PADI4: variants seen among roughly 807,000 people sequenced by gnomAD.
PADI4 encodes protein-arginine deiminase type-4.
In PADI4, 62 loss-of-function variants were observed where a neutral mutation model predicts 75.0. The observed-to-expected ratio is 0.83, with a 90% confidence interval of 0.67 to 1.02. PADI4 has a LOEUF of 1.02. Ranked by LOEUF, PADI4 falls within the 50% of genes least tolerant of loss-of-function variation. PADI4 has a pLI of 0.00. For synonymous variants in PADI4, 361 were observed against 348.1 expected (o/e 1.04, Z -0.41); for missense variants, 845 against 850.5 (o/e 0.99, Z 0.08).
chr1:17,333,127 G>A (rs768498188), intron 2 of PADI4, among the ~76,000 whole-genome samples: 52 of 152,194 alleles, frequency 3.4e-4, no homozygotes, highest in Admixed American at 1.3e-3. Flanking sequence ...TACTTTAGAA[G>A]GATCCCAATG....
At chr1:17,312,352 C>T (rs2073851390) in intron 1 of PADI4, among the ~76,000 whole-genome samples, 1 of 150,530 alleles carries the variant, frequency 6.6e-6, no homozygotes, top group African/African-American at 2.4e-5. Context: ...CCCAGCTACT[C>T]AGGAAGCTGA....
rs373090991 is a variant in PADI4, at chr1:17,349,324, G to T, written c.1155+1276G>T. ...GACAGACGGACACCTCGGCACCATT[G>T]TTGTCCCCTTTCCCACAGACAACTT... On this transcript the variant is annotated intron_variant, in intron 10 of 15. Coordinates refer to ENST00000375448, the MANE Select transcript of PADI4 (RefSeq NM_012387.3). Among the ~76,000 whole-genome samples the T allele has an allele frequency of 3.9e-5, 6 of 152,196 alleles. No homozygotes were observed. The East Asian group carries it at 1.2e-3, about 29-fold the overall frequency.
rs550577419 is a variant in PADI4, at chr1:17,333,848, C to T, written c.274-95C>T. The T allele has an allele frequency of 1.4e-4, 126 of 906,908 alleles. No individual in the cohort carries two copies. In the African/African-American group the frequency reaches 1.6e-3, roughly 11 times the overall value. The allele number at this position is 906,908 out of a possible 1,614,324, so 56.2% of individuals were successfully genotyped here. On this transcript the variant is annotated intron_variant, in intron 2 of 15. Coordinates refer to ENST00000375448, the MANE Select transcript of PADI4 (RefSeq NM_012387.3). ...ACCAGTTCTTGCCCAACTTTGTCTC[C>T]CCAGTGCCCTACCCTGAGCCGGCAC...
intron 1 of PADI4, among the ~76,000 whole-genome samples, chr1:17,310,689 G>A (rs1008701701): frequency 6.6e-6 from 1 of 152,112 alleles, no homozygotes; most frequent in Non-Finnish European, 1.5e-5. Flanking sequence ...AGCTGGGCAC[G>A]GTGGCTTATG....
In PADI4 at chr1:17,359,276, C is replaced by G; in HGVS notation, c.1630-4C>G. 3 of 1,612,370 alleles carry G rather than the reference C, an allele frequency of 1.9e-6. No individual in the cohort carries two copies. The highest frequency in any genetic ancestry group is 1.7e-6 in the Non-Finnish European group (2 of 1,179,422). ...CCACTCACTGCCCCTGCCCCTTCCC[C>G]AAGAGATGCATCGACTGGAACCGCG... On this transcript the variant is annotated splice_region_variant and splice_polypyrimidine_tract_variant and intron_variant, in intron 14 of 15. Coordinates refer to ENST00000375448, the MANE Select transcript of PADI4 (RefSeq NM_012387.3).
chr1:17,352,951 G>A (rs1361438947), intron 10 of PADI4, among the ~76,000 whole-genome samples: 4 of 152,204 alleles, frequency 2.6e-5, no homozygotes, highest in Non-Finnish European at 5.9e-5. Context: ...GGATCCCCCG[G>A]TGTCCTGAAA....
chr1:17,311,746 C>T (rs928683255), intron 1 of PADI4, among the ~76,000 whole-genome samples: 65 of 152,128 alleles, frequency 4.3e-4, no homozygotes, highest in African/African-American at 1.5e-3. Flanking sequence ...AGGATGGTCT[C>T]GATCTCCTGA....
At chr1:17,352,215 G>C (rs971772063) in intron 10 of PADI4, among the ~76,000 whole-genome samples, 5 of 107,526 alleles carry the variant, frequency 4.7e-5, no homozygotes, top group Non-Finnish European at 1.1e-4. Flanking sequence ...GTGGTAAGAG[G>C]GGTGGTCAGG....
chr1:17,335,690 G>C lies in PADI4; in HGVS notation c.341-469G>C, dbSNP rs141863313. 1.8e-3 allele frequency among the ~76,000 whole-genome samples: 274 copies of C among 152,346 alleles called. 4 individuals are homozygous for C. In the East Asian group the frequency reaches 0.049, roughly 27 times the overall value. On this transcript the variant is annotated intron_variant, in intron 3 of 15. Transcript: ENST00000375448. ...TGTTCAGGGTTGCAATTTGTCCCCAGATACAGTCACAACACATGTCATGAA... is the reference window on the plus strand; with the variant it reads ...TGTTCAGGGTTGCAATTTGTCCCCACATACAGTCACAACACATGTCATGAA...
At position 17,349,786 on chromosome 1, in the gene PADI4, G is replaced by A. The variant is rs915504160; in HGVS notation, c.1155+1738G>A. Among the ~76,000 whole-genome samples, 10 of 124,664 alleles carry A rather than the reference G, an allele frequency of 8.0e-5. 4 individuals carry two copies. Among genetic ancestry groups the A allele is most frequent in the Non-Finnish European group, 1.4e-4 (8 of 55,648 alleles). The allele number at this position is 124,664 out of a possible 152,430, so 81.8% of individuals were successfully genotyped here. A position where few individuals can be genotyped will look rare whatever the true frequency, so the allele number is the denominator to read the frequency against. ...CAGAATGAAGAGAATTGGAGAAAAAGTCACACTCAGCACCAGGCTTTGGCC... is the reference window on the plus strand; with the variant it reads ...CAGAATGAAGAGAATTGGAGAAAAAATCACACTCAGCACCAGGCTTTGGCC... On this transcript the variant is annotated intron_variant, in intron 10 of 15. Coordinates refer to ENST00000375448, the MANE Select transcript of PADI4 (RefSeq NM_012387.3).
chr1:17,308,467 C>G lies in PADI4; in HGVS notation c.92+153C>G, dbSNP rs560901532. On this transcript the variant is annotated intron_variant, in intron 1 of 15. Coordinates refer to ENST00000375448, the MANE Select transcript of PADI4 (RefSeq NM_012387.3). ...AGTAGCTGGAGAGAGAAGACCCCAG[C>G]AGCCCTGGGAAGTGCCAGTCTCATG... Among the ~76,000 whole-genome samples, 5 of 152,312 alleles carry G rather than the reference C, an allele frequency of 3.3e-5. No homozygotes were observed. The East Asian group carries it at 9.6e-4, about 29-fold the overall frequency.
At chr1:17,316,416 G>A (rs988180125) in intron 1 of PADI4, among the ~76,000 whole-genome samples, 15 of 148,030 alleles carry the variant, frequency 1.0e-4, no homozygotes, top group South Asian at 4.2e-4. Context: ...ATAGCCAGGC[G>A]CGGTGGCTCA....
chr1:17,310,148 A>G (rs759106900), intron 1 of PADI4, among the ~76,000 whole-genome samples: 1 of 152,162 alleles, frequency 6.6e-6, no homozygotes, highest in Non-Finnish European at 1.5e-5. Context: ...AATGGCTAAT[A>G]TTTACATCAC....
rs375570263 is a variant in PADI4 at position 17,354,828 on chromosome 1, C to T, written c.1310+141C>T. On this transcript the variant is annotated intron_variant, in intron 11 of 15. Coordinates refer to ENST00000375448, the MANE Select transcript of PADI4 (RefSeq NM_012387.3). ...TGAGGGAGTGTGAGAGGAATCCAAGCGCAGGGTGAGGAATGCGGGCTTTGG... is the reference window on the plus strand; with the variant it reads ...TGAGGGAGTGTGAGAGGAATCCAAGTGCAGGGTGAGGAATGCGGGCTTTGG... 1.2e-4 allele frequency: 96 copies of T among 811,682 alleles called. 1 individual carries two copies. The South Asian group carries it at 1.6e-3, about 14-fold the overall frequency. The allele number at this position is 811,682 out of a possible 1,614,324, so 50.3% of individuals were successfully genotyped here.
chr1:17,356,295 C>A lies in PADI4; in HGVS notation c.1456-62C>A. 1 of 1,331,188 alleles carries A rather than the reference C, an allele frequency of 7.5e-7. No individual in the cohort carries two copies. The highest frequency in any genetic ancestry group is 1.0e-6 in the Non-Finnish European group (1 of 959,440). 82.5% of individuals were successfully genotyped at this position (1,331,188 alleles called of 1,614,324 possible). On this transcript the variant is annotated intron_variant, in intron 12 of 15. Transcript: ENST00000375448. This position sits in a 1 kb window ranked among gnomAD's most constrained non-coding sequence, Gnocchi z 4.1. ...CACACTACTCCCACCCTCAGCAGAT[C>A]CACCCTCGTTGGGAGCTCCAGGGGC...
intron 4 of PADI4, among the ~76,000 whole-genome samples, chr1:17,336,935 G>A (rs2074323778): frequency 6.6e-6 from 1 of 152,200 alleles, no homozygotes; most frequent in Non-Finnish European, 1.5e-5. Flanking sequence ...GAAGGGAGGC[G>A]CCATCACTAT....
At chr1:17,324,593 A>C (rs2074089463) in intron 1 of PADI4, among the ~76,000 whole-genome samples, 1 of 152,118 alleles carries the variant, frequency 6.6e-6, no homozygotes, top group African/African-American at 2.4e-5. Flanking sequence ...TGGCCTCCCA[A>C]AGCACTGGGA....
chr1:17,338,766 G>A (rs1274522766), intron 5 of PADI4, among the ~76,000 whole-genome samples: 1 of 152,228 alleles, frequency 6.6e-6, no homozygotes, highest in Non-Finnish European at 1.5e-5. Context: ...GGCTGCTAAG[G>A]GGGTGGCTCC....
chr1:17,317,974 T>C (rs150878665), intron 1 of PADI4, among the ~76,000 whole-genome samples: 348 of 152,296 alleles, frequency 2.3e-3, no homozygotes, highest in African/African-American at 7.5e-3. Flanking sequence ...CCGTGAGCCA[T>C]GATTGTGCCT....
Sources: allele counts gnomAD v4.1 joint callset (sites outside exome capture counted in the v4.1 genomes callset), GRCh38; gene constraint gnomAD v4.1.1; non-coding constraint Gnocchi (gnomAD v3.1); transcripts MANE v1.5; gene names NCBI Gene and HGNC (gene_info 2026-07-23, HGNC 2026-07-21).